Variants in PPP6R3 observed in about 807,000 individuals in gnomAD.
PPP6R3 encodes the protein protein phosphatase 6 regulatory subunit 3, also known as serine/threonine-protein phosphatase 6 regulatory subunit 3.
PPP6R3 carries 38 observed loss-of-function variants against 110.7 expected under a neutral mutation model. That is an observed-to-expected ratio of 0.34 (90% CI 0.26 to 0.45). The LOEUF is 0.45. Ranked by LOEUF, PPP6R3 falls within the 20% of genes least tolerant of loss-of-function variation. PPP6R3 has a pLI of 1.00. For synonymous variants in PPP6R3, 369 were observed against 373.5 expected, an observed-to-expected ratio of 0.99 and a Z score of 0.14; for missense variants, 870 against 1,062.4, an observed-to-expected ratio of 0.82 and a Z score of 2.52.
rs533155403 is a variant in PPP6R3, at chr11:68,614,070, G to A, written c.*953G>A. The stretch of plus-strand genomic sequence containing the variant: ...ACCTAAAATAAATCCTATTAGGCAA[G>A]TCAGTTGAAAATGCTCGTGCTGCTA... On this transcript the variant is annotated 3_prime_UTR_variant, in exon 24 of 24. Coordinates refer to ENST00000393800, the MANE Select transcript of PPP6R3 (RefSeq NM_001164161.2). 1.0e-6 allele frequency: 1 copy of A among 985,836 alleles called. No homozygotes were observed. The highest frequency in any genetic ancestry group is 6.1e-5 in the Admixed American group (1 of 16,274). The allele number at this position is 985,836 out of a possible 1,614,324, so 61.1% of individuals were successfully genotyped here.
intron 1 of PPP6R3, among the ~76,000 whole-genome samples, chr11:68,516,381 T>C (rs1226552182): frequency 2.0e-5 from 3 of 152,220 alleles, no homozygotes; most frequent in East Asian, 3.8e-4. Flanking sequence ...ATTTAAAATA[T>C]TGTGTAAAAT....
At chr11:68,603,941 C>A (rs1937784597) in intron 22 of PPP6R3, among the ~76,000 whole-genome samples, 1 of 152,220 alleles carries the variant, frequency 6.6e-6, no homozygotes, top group South Asian at 2.1e-4. Context: ...AAGAACGTGA[C>A]CCTTAGAAAT....
At chr11:68,513,167 C>T (rs904744871) in intron 1 of PPP6R3, among the ~76,000 whole-genome samples, 13 of 152,014 alleles carry the variant, frequency 8.6e-5, no homozygotes, top group East Asian at 5.8e-4. Flanking sequence ...ACCGGCATCC[C>T]GGGGGTCTTC....
intron 19 of PPP6R3, among the ~76,000 whole-genome samples, chr11:68,598,238 C>G (rs906957334): frequency 2.0e-5 from 3 of 152,150 alleles, no homozygotes; most frequent in Admixed American, 6.5e-5. Flanking sequence ...GAGTTCATCC[C>G]TGCTGTGGTG....
chr11:68,590,644 TTTTG>T lies in PPP6R3; in HGVS notation c.1731-12_1731-9del. ...GTAATTAATGCTTCCTACACTTTTA[TTTTG>T]TTTTTTTACAGTGTTTCTTTTGATC... On this transcript the variant is annotated splice_polypyrimidine_tract_variant and intron_variant, in intron 16 of 23. Transcript: ENST00000393800. The T allele has an allele frequency of 1.3e-6, 2 of 1,509,404 alleles. No homozygotes were observed. The highest frequency in any genetic ancestry group is 1.9e-5 in the Admixed American group (1 of 51,880). The allele number at this position is 1,509,404 out of a possible 1,614,324, so 93.5% of individuals were successfully genotyped here.
intron 13 of PPP6R3, 44 bp from the exon 14 acceptor site, chr11:68,575,914 G>A: frequency 1.4e-6 from 2 of 1,412,148 alleles, no homozygotes; most frequent in Non-Finnish European, 2.0e-6. Flanking sequence ...TCTCCGTGGA[G>A]GTCATTGTGG....
At chr11:68,475,617 G>A (rs1219938443) in intron 1 of PPP6R3, among the ~76,000 whole-genome samples, 6 of 102,794 alleles carry the variant, frequency 5.8e-5, no homozygotes, top group Admixed American at 8.9e-5. Context: ...CGGACGGGGC[G>A]GCTGGCCGGG....
chr11:68,556,118 C>T (rs1266888629), intron 7 of PPP6R3, among the ~76,000 whole-genome samples: 1 of 152,068 alleles, frequency 6.6e-6, no homozygotes, highest in Non-Finnish European at 1.5e-5. Flanking sequence ...ACTGTACTGG[C>T]AATACATAAT....
intron 3 of PPP6R3, among the ~76,000 whole-genome samples, chr11:68,542,395 T>TTTTTTTTTTTG (rs1565717165): frequency 2.8e-5 from 3 of 108,958 alleles, no homozygotes; most frequent in Admixed American, 9.3e-5. Flanking sequence ...TGCTGTTTTT[T>TTTTTTTTTTTG]TTTTTTTTTT....
chr11:68,545,554 T>C (rs1032027668), intron 4 of PPP6R3, among the ~76,000 whole-genome samples: 1 of 151,930 alleles, frequency 6.6e-6, no homozygotes, highest in Non-Finnish European at 1.5e-5. Context: ...TTTGCAGCTG[T>C]GCTGTTCCTA....
intron 1 of PPP6R3, among the ~76,000 whole-genome samples, chr11:68,467,908 G>A (rs976328291): frequency 6.6e-6 from 1 of 152,196 alleles, no homozygotes; most frequent in African/African-American, 2.4e-5. Context: ...CCGAGTAGCT[G>A]GGACTACAGG....
chr11:68,537,360 C>T (rs764744308), intron 2 of PPP6R3, among the ~76,000 whole-genome samples: 1 of 152,182 alleles, frequency 6.6e-6, no homozygotes, highest in Non-Finnish European at 1.5e-5. Flanking sequence ...TCTCCTTTCC[C>T]AGCATCACTT....
intron 1 of PPP6R3, among the ~76,000 whole-genome samples, chr11:68,471,168 CAGCTACTCTGGA>C (rs1490726582): frequency 6.6e-6 from 1 of 151,274 alleles, no homozygotes; most frequent in Non-Finnish European, 1.5e-5. Flanking sequence ...CCTGTAGTTC[CAGCTACTCTGGA>C]AGCTGAGGCA....
intron 1 of PPP6R3, among the ~76,000 whole-genome samples, chr11:68,485,809 C>G (rs552300194): frequency 6.6e-6 from 1 of 152,258 alleles, no homozygotes; most frequent in African/African-American, 2.4e-5. Flanking sequence ...ATCCTCCTGT[C>G]TTAGTCTCCC....
rs1016365523 is a variant in PPP6R3, at chr11:68,468,764, A to G, written c.-158+7937A>G. Among the ~76,000 whole-genome samples, 7 of 152,354 alleles carry G rather than the reference A, an allele frequency of 4.6e-5. No homozygotes were observed. The East Asian group carries it at 1.2e-3, about 25-fold the overall frequency. On this transcript the variant is annotated intron_variant, in intron 1 of 23. Coordinates refer to ENST00000393800, the MANE Select transcript of PPP6R3 (RefSeq NM_001164161.2). Reference sequence around the variant, plus strand: ...TGTTTTAATGTATATAACTGTGAATATGAATATAACATTAGAACATATATA... The same window carrying G: ...TGTTTTAATGTATATAACTGTGAATGTGAATATAACATTAGAACATATATA...
At chr11:68,516,163 T>C (rs2099135642) in intron 1 of PPP6R3, among the ~76,000 whole-genome samples, 1 of 152,202 alleles carries the variant, frequency 6.6e-6, no homozygotes, top group Admixed American at 6.5e-5. Flanking sequence ...ATATCAGAAT[T>C]TCCTGTTCAA....
rs113016937 is a variant in PPP6R3, at chr11:68,573,278, G to A, written c.1344-831G>A. ...AAATTTTCCTGCCTCAGCCTCCTGA[G>A]TAGCTAGGATTTCAAGTGTGCACCA... On this transcript the variant is annotated intron_variant, in intron 12 of 23. Transcript: ENST00000393800. 3.8e-3 allele frequency among the ~76,000 whole-genome samples: 573 copies of A among 150,810 alleles called. 2 individuals are homozygous for A. The highest frequency in any genetic ancestry group is 0.013 in the African/African-American group (551 of 40,988).
At chr11:68,612,862 C>G in intron 23 of PPP6R3, 1 of 1,009,598 alleles carries the variant, frequency 9.9e-7, no homozygotes, top group South Asian at 1.7e-5. Flanking sequence ...TGCCTGCTCA[C>G]CCGGTGATGA....
intron 1 of PPP6R3, among the ~76,000 whole-genome samples, chr11:68,473,259 T>C (rs1452896511): frequency 6.6e-6 from 1 of 152,168 alleles, no homozygotes; most frequent in Admixed American, 6.6e-5. Flanking sequence ...ATTGATCAAC[T>C]GCCAATGATA....
Sources: gnomAD v4.1 joint callset for allele counts (sites outside exome capture counted in the v4.1 genomes callset) on GRCh38, gnomAD v4.1.1 for gene constraint, MANE v1.5 for transcripts, NCBI Gene and HGNC (gene_info 2026-07-23, HGNC 2026-07-21) for gene names.